The following PDZRN4 variants were observed in gnomAD, a reference collection of about 807,000 sequenced individuals.
The protein encoded by PDZRN4 is PDZ domain-containing RING finger protein 4.
PDZRN4 carries 70 observed loss-of-function variants against 99.0 expected under a neutral mutation model. That is an observed-to-expected ratio of 0.71 (90% CI 0.58 to 0.86). PDZRN4 has a LOEUF of 0.86. PDZRN4 is among the 40% of genes least tolerant of loss of function. The pLI is 0.00. For missense variants in PDZRN4, 1,474 were observed against 1,331.2 expected (o/e 1.11, Z -1.67); for synonymous variants, 551 against 501.6 (o/e 1.10, Z -1.32).
At chr12:41,403,570 T>A (rs1305674434) in intron 3 of PDZRN4, among the ~76,000 whole-genome samples, 1 of 152,190 alleles carries the variant, frequency 6.6e-6, no homozygotes, top group Non-Finnish European at 1.5e-5. Context: ...AGCCAATAAA[T>A]GTACTAGAAA....
intron 3 of PDZRN4, among the ~76,000 whole-genome samples, chr12:41,456,857 A>G (rs1037480591): frequency 6.6e-6 from 1 of 152,202 alleles, no homozygotes; most frequent in Non-Finnish European, 1.5e-5. Flanking sequence ...TAGGAGACTG[A>G]GAGAAATTTT....
chr12:41,292,123 T>C (rs1026280837), intron 3 of PDZRN4, among the ~76,000 whole-genome samples: 17 of 152,178 alleles, frequency 1.1e-4, no homozygotes, highest in African/African-American at 4.1e-4. Flanking sequence ...TCAGGCATAA[T>C]AGTTCTTAGG....
intron 3 of PDZRN4, among the ~76,000 whole-genome samples, chr12:41,231,105 G>A (rs368881482): frequency 9.9e-5 from 15 of 152,100 alleles, no homozygotes; most frequent in African/African-American, 3.6e-4. Context: ...ATTCATTCAT[G>A]AACTCACATT....
intron 3 of PDZRN4, among the ~76,000 whole-genome samples, chr12:41,260,108 G>A (rs917143222): frequency 6.6e-6 from 1 of 152,142 alleles, no homozygotes; most frequent in African/African-American, 2.4e-5. Context: ...AATACTGAAA[G>A]CAATTAAATT....
intron 3 of PDZRN4, among the ~76,000 whole-genome samples, chr12:41,235,301 A>T (rs969699534): frequency 1.3e-5 from 2 of 152,164 alleles, no homozygotes; most frequent in African/African-American, 4.8e-5. Context: ...CTTTTGCAAC[A>T]ATATATACCT....
chr12:41,557,022 C>T (rs1339090553), intron 7 of PDZRN4, among the ~76,000 whole-genome samples: 1 of 151,782 alleles, frequency 6.6e-6, no homozygotes, highest in Non-Finnish European at 1.5e-5. Context: ...ATGGTGGCAG[C>T]CACCTGTAAT....
intron 7 of PDZRN4, 73 bp from the exon 8 acceptor site, chr12:41,563,475 C>G: frequency 9.5e-7 from 1 of 1,055,402 alleles, no homozygotes; most frequent in Non-Finnish European, 1.5e-6. Flanking sequence ...CATAAATGAG[C>G]TGATATTTGC....
intron 3 of PDZRN4, among the ~76,000 whole-genome samples, chr12:41,280,083 G>T (rs891396573): frequency 6.6e-6 from 1 of 152,128 alleles, no homozygotes; most frequent in Non-Finnish European, 1.5e-5. Flanking sequence ...GCAGGGTGGG[G>T]TGTCGCCTCA....
At chr12:41,293,721 G>C (rs1289111106) in intron 3 of PDZRN4, among the ~76,000 whole-genome samples, 1 of 152,248 alleles carries the variant, frequency 6.6e-6, no homozygotes, top group Middle Eastern at 3.4e-3. Context: ...AATGGCTGAA[G>C]GTGTTTTCAG....
chr12:41,476,957 C>G (rs1937608168), intron 3 of PDZRN4, among the ~76,000 whole-genome samples: 1 of 152,184 alleles, frequency 6.6e-6, no homozygotes, highest in South Asian at 2.1e-4. Context: ...TGCAGTCCCC[C>G]ACACTGTAAG....
chr12:41,292,218 C>A (rs1951460934), intron 3 of PDZRN4, among the ~76,000 whole-genome samples: 1 of 152,146 alleles, frequency 6.6e-6, no homozygotes, highest in Admixed American at 6.6e-5. Flanking sequence ...GGAAGAACAA[C>A]AGGTTTAAGC....
intron 7 of PDZRN4, among the ~76,000 whole-genome samples, chr12:41,556,005 A>G (rs1939155488): frequency 6.6e-6 from 1 of 152,146 alleles, no homozygotes; most frequent in Non-Finnish European, 1.5e-5. Context: ...CTTCTCTTCC[A>G]GCTTCACCAT....
At chr12:41,404,614 A>G (rs571883665) in intron 3 of PDZRN4, among the ~76,000 whole-genome samples, 9 of 152,290 alleles carry the variant, frequency 5.9e-5, no homozygotes, top group Admixed American at 1.3e-4. Context: ...TGTACTTCCT[A>G]TCAAACTACC....
chr12:41,304,828 G>A (rs1951558865), intron 3 of PDZRN4, among the ~76,000 whole-genome samples: 1 of 152,224 alleles, frequency 6.6e-6, no homozygotes, highest in Non-Finnish European at 1.5e-5. Flanking sequence ...CACTTTGGCT[G>A]AGAGCAGTTA....
intron 3 of PDZRN4, among the ~76,000 whole-genome samples, chr12:41,348,978 A>G (rs528520431): frequency 6.6e-6 from 1 of 152,098 alleles, no homozygotes; most frequent in East Asian, 1.9e-4. Context: ...TAAATATTTT[A>G]TTCTTGTCAT....
chr12:41,210,749 G>T (rs1414439988), intron 3 of PDZRN4, among the ~76,000 whole-genome samples: 1 of 151,832 alleles, frequency 6.6e-6, no homozygotes, highest in East Asian at 1.9e-4. Flanking sequence ...TATAACCTGT[G>T]GTTTTCCATA....
intron 3 of PDZRN4, among the ~76,000 whole-genome samples, chr12:41,335,501 T>C (rs1475347903): frequency 6.6e-6 from 1 of 152,128 alleles, no homozygotes; most frequent in Non-Finnish European, 1.5e-5. Context: ...ATTGAGTTTT[T>C]GAAAAACTAA....
At chr12:41,405,987 A>T (rs1267652349) in intron 3 of PDZRN4, among the ~76,000 whole-genome samples, 1 of 152,120 alleles carries the variant, frequency 6.6e-6, no homozygotes, top group Non-Finnish European at 1.5e-5. Context: ...TTGAAAAACT[A>T]CCTGTTGAGT....
At chr12:41,352,926 T>C (rs180749613) in intron 3 of PDZRN4, among the ~76,000 whole-genome samples, 1 of 152,076 alleles carries the variant, frequency 6.6e-6, no homozygotes, top group East Asian at 1.9e-4. Flanking sequence ...TAATGAATAA[T>C]ATGGATTAAA....
Sources: gnomAD v4.1 joint callset for allele counts (sites outside exome capture counted in the v4.1 genomes callset) on GRCh38, gnomAD v4.1.1 for gene constraint, MANE v1.5 for transcripts, NCBI Gene and HGNC (gene_info 2026-07-23, HGNC 2026-07-21) for gene names.